PCDH15: variants seen among roughly 807,000 people sequenced by gnomAD.
The protein encoded by PCDH15 is protocadherin-15.
Under a neutral mutation model 178.5 loss-of-function variants are expected in PCDH15, and 129 were observed. The observed-to-expected ratio is 0.72, with a 90% CI of 0.63 to 0.84. PCDH15 has a LOEUF of 0.84. PCDH15 is among the 40% of genes least tolerant of loss of function. The pLI, the probability that PCDH15 is intolerant of heterozygous loss-of-function variation, is 0.00. For synonymous variants in PCDH15, 800 were observed against 732.0 expected (o/e 1.09, Z -1.50); for missense variants, 2,230 against 2,099.9 (o/e 1.06, Z -1.21).
At chr10:54,031,270 A>C (rs2093286371) in intron 18 of PCDH15, among the ~76,000 whole-genome samples, 1 of 151,772 alleles carries the variant, frequency 6.6e-6, no homozygotes, top group Non-Finnish European at 1.5e-5. Flanking sequence ...ATTTTCCCCC[A>C]ATCCAACTTA....
chr10:54,051,730 T>A (rs2093778773), intron 18 of PCDH15, among the ~76,000 whole-genome samples: 1 of 152,150 alleles, frequency 6.6e-6, no homozygotes, highest in Non-Finnish European at 1.5e-5. Flanking sequence ...AGGAACCAAA[T>A]GCTAATCACC....
chr10:55,052,537 C>CAAAAAAAAAAAAA lies in PCDH15; in HGVS notation c.-80+114026_-80+114038dup, dbSNP rs71014444. 2.5e-4 allele frequency among the ~76,000 whole-genome samples: 10 copies of CAAAAAAAAAAAAA among 39,358 alleles called. 3 individuals carry two copies. The highest frequency in any genetic ancestry group is 7.9e-4 in the African/African-American group (9 of 11,398). 25.8% of individuals were successfully genotyped at this position (39,358 alleles called of 152,430 possible). On this transcript the variant is annotated intron_variant, in intron 2 of 5. Transcript: ENST00000458638. ...AACATGGCGAAAACCCCGTCTCATACAAAAAAAAAAAAAAAAAAAAAAAAA... is the reference window on the plus strand; with the variant it reads ...AACATGGCGAAAACCCCGTCTCATACAAAAAAAAAAAAAAAAAAAAAAAAAAAAAAAAAAAAAA...
intron 2 of PCDH15, among the ~76,000 whole-genome samples, chr10:55,373,886 A>G (rs1845560331): frequency 6.6e-6 from 1 of 151,466 alleles, no homozygotes; most frequent in Non-Finnish European, 1.5e-5. Context: ...GTGGGAGTTG[A>G]ACAATGAGAA....
intron 2 of PCDH15, among the ~76,000 whole-genome samples, chr10:54,918,626 T>C (rs1837406860): frequency 6.6e-6 from 1 of 152,182 alleles, no homozygotes; most frequent in Non-Finnish European, 1.5e-5. Flanking sequence ...AACACCAGCA[T>C]GAGCCATATT....
intron 2 of PCDH15, among the ~76,000 whole-genome samples, chr10:55,393,816 A>C (rs1370467462): frequency 6.6e-6 from 1 of 152,112 alleles, no homozygotes; most frequent in African/African-American, 2.4e-5. Context: ...AACTCATAGA[A>C]GCTGTGCACA....
chr10:53,889,185 A>G (rs1438078543), intron 26 of PCDH15, among the ~76,000 whole-genome samples: 1 of 152,048 alleles, frequency 6.6e-6, no homozygotes, highest in Non-Finnish European at 1.5e-5. Context: ...AACAAGACAA[A>G]AAGTTGCTCA....
At chr10:54,843,020 G>T (rs1176701451) in intron 3 of PCDH15, among the ~76,000 whole-genome samples, 1 of 151,892 alleles carries the variant, frequency 6.6e-6, no homozygotes, top group East Asian at 1.9e-4. Flanking sequence ...TCCATCTCCA[G>T]CTTATACGAT....
chr10:53,979,850 T>C (rs1304959280), intron 21 of PCDH15, among the ~76,000 whole-genome samples: 1 of 152,216 alleles, frequency 6.6e-6, no homozygotes, highest in Admixed American at 6.5e-5. Flanking sequence ...ATACACAAAA[T>C]GTATTTTAGT....
At chr10:54,950,934 T>C (rs574047599) in intron 2 of PCDH15, among the ~76,000 whole-genome samples, 19 of 152,056 alleles carry the variant, frequency 1.2e-4, no homozygotes, top group African/African-American at 3.4e-4. Flanking sequence ...GTCTTATATT[T>C]ACAGAAAAAT....
intron 3 of PCDH15, among the ~76,000 whole-genome samples, chr10:54,399,750 C>G (rs1328167100): frequency 6.6e-6 from 1 of 152,168 alleles, no homozygotes; most frequent in Admixed American, 6.6e-5. Context: ...CAGTAAGACG[C>G]TGGGCTGTGC....
At chr10:54,225,559 G>C (rs986392826) in intron 9 of PCDH15, among the ~76,000 whole-genome samples, 2 of 152,090 alleles carry the variant, frequency 1.3e-5, no homozygotes, top group African/African-American at 4.8e-5. Context: ...AATATCTTCT[G>C]ACATTCCATT....
At chr10:54,070,146 A>G (rs2094211851) in intron 17 of PCDH15, among the ~76,000 whole-genome samples, 1 of 152,190 alleles carries the variant, frequency 6.6e-6, no homozygotes, top group Admixed American at 6.5e-5. Flanking sequence ...TTGTAATATC[A>G]TAGAAGAATT....
At chr10:55,573,552 T>G (rs1842445193) in intron 2 of PCDH15, among the ~76,000 whole-genome samples, 1 of 152,120 alleles carries the variant, frequency 6.6e-6, no homozygotes, top group Non-Finnish European at 1.5e-5. Context: ...CCATCAAATT[T>G]TATGATCTCA....
intron 2 of PCDH15, among the ~76,000 whole-genome samples, chr10:54,924,123 A>G (rs1837558905): frequency 7.2e-6 from 1 of 138,056 alleles, no homozygotes; most frequent in African/African-American, 2.5e-5. Context: ...AGTCAAGAGG[A>G]AGCAAGCACT....
chr10:53,987,847 A>C (rs959157343), intron 21 of PCDH15, among the ~76,000 whole-genome samples: 1 of 152,162 alleles, frequency 6.6e-6, no homozygotes, highest in South Asian at 2.1e-4. Flanking sequence ...CATTACTAGC[A>C]GGTTTCCCTT....
chr10:54,027,316 C>G (rs1228219928), intron 18 of PCDH15, among the ~76,000 whole-genome samples: 1 of 151,102 alleles, frequency 6.6e-6, no homozygotes, highest in Non-Finnish European at 1.5e-5. Context: ...GAAGAACATT[C>G]CATGCTCATG....
chr10:54,368,280 A>G (rs541344185), intron 5 of PCDH15, among the ~76,000 whole-genome samples: 7 of 152,156 alleles, frequency 4.6e-5, no homozygotes, highest in Non-Finnish European at 8.8e-5. Flanking sequence ...TTCACAAATT[A>G]CAGTTATTCT....
intron 15 of PCDH15, among the ~76,000 whole-genome samples, chr10:54,123,309 T>G (rs2041714614): frequency 6.6e-6 from 1 of 152,002 alleles, no homozygotes; most frequent in Non-Finnish European, 1.5e-5. Context: ...ACAAGTAGCT[T>G]AAAGAATTAA....
intron 21 of PCDH15, among the ~76,000 whole-genome samples, chr10:53,987,167 A>T (rs2134721883): frequency 6.6e-6 from 1 of 152,302 alleles, no homozygotes; most frequent in East Asian, 1.9e-4. Context: ...AAGCTAAAAT[A>T]TCTAAAAATG....
Sources: allele counts gnomAD v4.1 joint callset (sites outside exome capture counted in the v4.1 genomes callset), GRCh38; gene constraint gnomAD v4.1.1; transcripts MANE v1.5; gene names NCBI Gene and HGNC (gene_info 2026-07-23, HGNC 2026-07-21).